The following RAB1A variants were observed in gnomAD, a reference collection of about 807,000 sequenced individuals.
RAB1A encodes ras-related protein Rab-1A.
Under a neutral mutation model 26.0 loss-of-function variants are expected in RAB1A, and 2 were observed. The observed-to-expected ratio is 0.08, with a 90% CI of 0.03 to 0.24. The LOEUF (loss-of-function observed/expected upper bound fraction) is 0.24, where lower values mean the gene tolerates loss of function less well. Among genes scored for constraint, RAB1A ranks in the 10% least tolerant of loss-of-function variants. The pLI, the probability that RAB1A is intolerant of heterozygous loss-of-function variation, is 1.00. For synonymous variants in RAB1A, 84 were observed against 84.9 expected, an observed-to-expected ratio of 0.99 and a Z score of 0.06; for missense variants, 100 against 247.0, an observed-to-expected ratio of 0.40 and a Z score of 3.99.
At chr2:65,106,286 T>C (rs944198694) in intron 1 of RAB1A, 1 of 248,742 alleles carries the variant, frequency 4.0e-6, no homozygotes, top group Non-Finnish European at 8.1e-6. Context: ...GTAGAAGATA[T>C]ACATGATTTT....
chr2:65,094,949 G>C (rs1207946667), intron 3 of RAB1A, among the ~76,000 whole-genome samples: 2 of 152,172 alleles, frequency 1.3e-5, no homozygotes, highest in African/African-American at 4.8e-5. Flanking sequence ...GCCAATAAAA[G>C]AGGAATTAAT....
At chr2:65,127,057 A>G (rs1670116613) in intron 1 of RAB1A, among the ~76,000 whole-genome samples, 1 of 152,198 alleles carries the variant, frequency 6.6e-6, no homozygotes, top group African/African-American at 2.4e-5. Flanking sequence ...TTATTTTACT[A>G]AACAGTCTAG....
At chr2:65,112,509 C>A (rs1001729897) in intron 1 of RAB1A, among the ~76,000 whole-genome samples, 1 of 152,140 alleles carries the variant, frequency 6.6e-6, no homozygotes, top group South Asian at 2.1e-4. Flanking sequence ...AATCTAATCA[C>A]AAATTGGGCT....
intron 1 of RAB1A, among the ~76,000 whole-genome samples, chr2:65,118,875 GTTTT>G (rs1268769987): frequency 2.0e-5 from 3 of 152,098 alleles, no homozygotes; most frequent in African/African-American, 7.2e-5. Context: ...GAAGATTTGG[GTTTT>G]TTAATAAAAA....
chr2:65,094,570 G>A (rs1397306126), intron 3 of RAB1A, among the ~76,000 whole-genome samples: 1 of 133,600 alleles, frequency 7.5e-6, no homozygotes, highest in Non-Finnish European at 1.6e-5. Context: ...GGCAACAAGA[G>A]CGAAACTCCG....
chr2:65,094,789 G>A (rs1439942170), intron 3 of RAB1A, among the ~76,000 whole-genome samples: 2 of 151,648 alleles, frequency 1.3e-5, no homozygotes, highest in African/African-American at 4.8e-5. Context: ...TCTCATACTT[G>A]ATTTAAGAAA....
intron 1 of RAB1A, among the ~76,000 whole-genome samples, chr2:65,119,937 C>T (rs1016965075): frequency 2.0e-5 from 3 of 150,846 alleles, no homozygotes; most frequent in Non-Finnish European, 4.4e-5. Context: ...GGTGAAGATG[C>T]CTAATTTGGA....
chr2:65,090,959 A>G, intron 4 of RAB1A, 24 bp downstream of exon 4: 3 of 1,541,460 alleles, frequency 1.9e-6, no homozygotes, highest in Non-Finnish European at 2.7e-6. Context: ...GGTCACTGTA[A>G]CACAATCTCC....
At chr2:65,095,828 A>G (rs1669269720) in intron 3 of RAB1A, among the ~76,000 whole-genome samples, 2 of 151,728 alleles carry the variant, frequency 1.3e-5, no homozygotes, top group African/African-American at 2.4e-5. Context: ...CCTGGCCAAC[A>G]TGGCGAAATC....
intron 2 of RAB1A, among the ~76,000 whole-genome samples, chr2:65,103,857 C>A (rs1272800088): frequency 6.6e-6 from 1 of 152,022 alleles, no homozygotes; most frequent in Non-Finnish European, 1.5e-5. Context: ...CAGCTCACTG[C>A]AACCTCCGCC....
At chr2:65,106,531 T>C (rs1669565062) in intron 1 of RAB1A, 1 of 182,478 alleles carries the variant, frequency 5.5e-6, no homozygotes, top group Non-Finnish European at 1.2e-5. Context: ...GTTTGGGTTT[T>C]AGCAAATTAC....
At chr2:65,101,831 C>A (rs1669438781) in intron 2 of RAB1A, among the ~76,000 whole-genome samples, 1 of 143,528 alleles carries the variant, frequency 7.0e-6, no homozygotes, top group African/African-American at 2.7e-5. Context: ...CTCACCACAA[C>A]CTCCGCCTCC....
intron 1 of RAB1A, among the ~76,000 whole-genome samples, chr2:65,116,462 A>G (rs1669828952): frequency 6.6e-6 from 1 of 152,136 alleles, no homozygotes; most frequent in Admixed American, 6.5e-5. Context: ...ATGAGCCTCA[A>G]TTTCCTCATC....
chr2:65,093,654 C>T (rs1191296621), intron 3 of RAB1A, among the ~76,000 whole-genome samples: 3 of 147,314 alleles, frequency 2.0e-5, no homozygotes, highest in Non-Finnish European at 4.5e-5. Flanking sequence ...GACGGAGTCT[C>T]GCTCTGTCAC....
chr2:65,117,019 T>A (rs1461586764), intron 1 of RAB1A, among the ~76,000 whole-genome samples: 1 of 152,194 alleles, frequency 6.6e-6, no homozygotes, highest in Non-Finnish European at 1.5e-5. Context: ...AGCCCATTTA[T>A]AAATAATACA....
intron 3 of RAB1A, among the ~76,000 whole-genome samples, chr2:65,096,245 G>A (rs1267418304): frequency 1.3e-5 from 2 of 152,146 alleles, no homozygotes; most frequent in Non-Finnish European, 2.9e-5. Flanking sequence ...AACCCAGGAG[G>A]CGGAGGTTGC....
intron 2 of RAB1A, among the ~76,000 whole-genome samples, chr2:65,103,075 G>T (rs991018325): frequency 2.0e-5 from 3 of 151,904 alleles, no homozygotes; most frequent in African/African-American, 7.2e-5. Flanking sequence ...CAGCACTTTG[G>T]GAGGCTGAGG....
At chr2:65,100,466 G>T (rs1329406204) in intron 2 of RAB1A, among the ~76,000 whole-genome samples, 2 of 140,634 alleles carry the variant, frequency 1.4e-5, no homozygotes, top group Non-Finnish European at 3.0e-5. Context: ...AGGTACTATA[G>T]AAGTATATAG....
At chr2:65,129,807 G>A (rs1670196327) in intron 1 of RAB1A, 86 bp downstream of exon 1, 2 of 1,529,542 alleles carry the variant, frequency 1.3e-6, no homozygotes, top group Admixed American at 2.0e-5. Flanking sequence ...CCGATGCCCC[G>A]ACTTCTGCCC....
Sources: allele counts gnomAD v4.1 joint callset (sites outside exome capture counted in the v4.1 genomes callset), GRCh38; gene constraint gnomAD v4.1.1; transcripts MANE v1.5; gene names NCBI Gene and HGNC (gene_info 2026-07-23, HGNC 2026-07-21).